SH3KBP1: variants seen among roughly 807,000 people sequenced by gnomAD.
SH3KBP1 encodes the protein SH3 domain-containing kinase-binding protein 1.
SH3KBP1 carries 8 observed loss-of-function variants against 50.1 expected under a neutral mutation model. The ratio of observed to expected loss-of-function variants is 0.16; its 90% CI spans 0.09 to 0.29. The LOEUF is 0.29. Among genes scored for constraint, SH3KBP1 ranks in the 10% least tolerant of loss-of-function variants. The probability of loss-of-function intolerance (pLI) is 1.00; values close to 1 mark genes in which losing one functional copy is unlikely to be tolerated. For missense variants in SH3KBP1, 377 were observed against 535.2 expected (o/e 0.70, Z 2.92); for synonymous variants, 227 against 218.6 (o/e 1.04, Z -0.34).
chrX:19,798,866 C>T (rs752653766), intron 2 of SH3KBP1, among the ~76,000 whole-genome samples: 3 of 112,339 alleles, frequency 2.7e-5, no homozygotes, highest in Non-Finnish European at 3.8e-5. Context: ...CAGGTGCCTT[C>T]ACATTCATTA....
At chrX:19,776,531 G>GT in intron 2 of SH3KBP1, among the ~76,000 whole-genome samples, 1 of 56,967 alleles carries the variant, frequency 1.8e-5, no homozygotes, top group African/African-American at 8.1e-5. Context: ...TTGACAACCT[G>GT]GTTTTTTTTT....
intron 2 of SH3KBP1, among the ~76,000 whole-genome samples, chrX:19,797,924 C>T (rs908813600): frequency 5.6e-5 from 6 of 107,578 alleles, no homozygotes; most frequent in Non-Finnish European, 7.7e-5. Context: ...CACACACACA[C>T]GAAAGGCAAC....
chrX:19,662,830 T>G (rs1246030398), intron 6 of SH3KBP1, among the ~76,000 whole-genome samples: 1 of 109,769 alleles, frequency 9.1e-6, no homozygotes, highest in African/African-American at 3.3e-5. Context: ...TTTTTTTTTT[T>G]TTTTTTAATG....
chrX:19,811,357 T>C (rs1453904152), intron 2 of SH3KBP1, among the ~76,000 whole-genome samples: 1 of 111,803 alleles, frequency 8.9e-6, no homozygotes, highest in African/African-American at 3.3e-5. Context: ...ATAGCGTTTA[T>C]GGTTTTAAAC....
intron 6 of SH3KBP1, among the ~76,000 whole-genome samples, chrX:19,658,223 A>G (rs1394935018): frequency 1.8e-5 from 2 of 111,993 alleles, no homozygotes; most frequent in Admixed American, 9.5e-5. Flanking sequence ...GTCAGTATCT[A>G]ATGAGGTGAG....
intron 6 of SH3KBP1, among the ~76,000 whole-genome samples, chrX:19,679,376 A>G (rs1172089459): frequency 9.0e-6 from 1 of 111,143 alleles, no homozygotes; most frequent in African/African-American, 3.3e-5. Flanking sequence ...TCAGGTATAT[A>G]TTTTTTAAGT....
At chrX:19,770,475 C>T (rs2065757828) in intron 2 of SH3KBP1, among the ~76,000 whole-genome samples, 1 of 111,781 alleles carries the variant, frequency 8.9e-6, no homozygotes, top group Non-Finnish European at 1.9e-5. Flanking sequence ...CATGTTTTTG[C>T]TATTGTGAAG....
intron 6 of SH3KBP1, among the ~76,000 whole-genome samples, chrX:19,676,850 T>C (rs1286828041): frequency 8.9e-6 from 1 of 111,987 alleles, no homozygotes; most frequent in Admixed American, 9.5e-5. Context: ...TGACAAGAGT[T>C]GAAAAAGAGG....
intron 2 of SH3KBP1, among the ~76,000 whole-genome samples, chrX:19,776,200 C>T (rs757314456): frequency 3.6e-5 from 4 of 111,793 alleles, no homozygotes; most frequent in African/African-American, 9.7e-5. Flanking sequence ...TCAATGTCCA[C>T]GCTTCCACAT....
intron 8 of SH3KBP1, among the ~76,000 whole-genome samples, chrX:19,615,917 CTT>C (rs778419717): frequency 2.9e-4 from 28 of 96,600 alleles, no homozygotes; most frequent in East Asian, 1.6e-3. Context: ...CAGTCATTCA[CTT>C]TTTTTTTTTT....
At chrX:19,873,974 G>A (rs759221726) in intron 1 of SH3KBP1, among the ~76,000 whole-genome samples, 1 of 97,553 alleles carries the variant, frequency 1.0e-5, no homozygotes, top group Non-Finnish European at 2.0e-5. Context: ...CCTTGAACTG[G>A]GGAGGTAGAG....
intron 6 of SH3KBP1, among the ~76,000 whole-genome samples, chrX:19,672,954 G>C: frequency 1.0e-5 from 1 of 96,901 alleles, no homozygotes; most frequent in East Asian, 3.3e-4. Flanking sequence ...CTACTCAGGA[G>C]GCTGAGGCAG....
chrX:19,691,576 C>T (rs2063295113), intron 5 of SH3KBP1, among the ~76,000 whole-genome samples: 1 of 108,227 alleles, frequency 9.2e-6, no homozygotes, highest in African/African-American at 3.4e-5. Context: ...AATTAATAGA[C>T]AAAGGGGCTC....
chrX:19,565,051 ATTTTTTTTTTTTTT>A (rs59323105), intron 13 of SH3KBP1, among the ~76,000 whole-genome samples: 12 of 66,532 alleles, frequency 1.8e-4, no homozygotes, highest in African/African-American at 9.0e-4. Context: ...TTCAACTCCA[ATTTTTTTTTTTTTT>A]TTTTTTTTTT....
chrX:19,780,547 G>A (rs1212869003), intron 2 of SH3KBP1, among the ~76,000 whole-genome samples: 1 of 107,943 alleles, frequency 9.3e-6, no homozygotes, highest in Admixed American at 1.0e-4. Flanking sequence ...TATTGCCTAG[G>A]TTTTCTTCTA....
At chrX:19,670,525 T>A (rs1471325638) in intron 6 of SH3KBP1, 1 of 198,897 alleles carries the variant, frequency 5.0e-6, no homozygotes, top group Non-Finnish European at 7.5e-6. Flanking sequence ...CATCTAAATT[T>A]CTCTCTGCAA....
intron 1 of SH3KBP1, among the ~76,000 whole-genome samples, chrX:19,840,007 A>T (rs778440229): frequency 1.8e-5 from 2 of 112,473 alleles, no homozygotes; most frequent in Non-Finnish European, 3.8e-5. Context: ...GCACTAAGGG[A>T]GCTTGCTATT....
intron 1 of SH3KBP1, among the ~76,000 whole-genome samples, chrX:19,862,392 G>C (rs1383447088): frequency 8.9e-6 from 1 of 111,759 alleles, no homozygotes; most frequent in Non-Finnish European, 1.9e-5. Flanking sequence ...ACATTGTTTT[G>C]TCCTTTCTTA....
At chrX:19,714,914 G>A in intron 3 of SH3KBP1, among the ~76,000 whole-genome samples, 1 of 111,609 alleles carries the variant, frequency 9.0e-6, no homozygotes, top group Non-Finnish European at 1.9e-5. Context: ...ATACTTAGGA[G>A]ATACATTCTG....
Sources: allele counts gnomAD v4.1 joint callset (sites outside exome capture counted in the v4.1 genomes callset), GRCh38; gene constraint gnomAD v4.1.1; transcripts MANE v1.5; gene names NCBI Gene and HGNC (gene_info 2026-07-23, HGNC 2026-07-21).